Variants in ITGA8 observed in about 807,000 individuals in gnomAD.
ITGA8 encodes the protein integrin subunit alpha 8, also known as integrin alpha-8.
A neutral mutation model predicts 142.3 loss-of-function variants in ITGA8; 91 were observed. The observed-to-expected ratio is 0.64, with a 90% CI of 0.54 to 0.76. The LOEUF is 0.76. Among genes scored for constraint, ITGA8 ranks in the 30% least tolerant of loss-of-function variants. The pLI, the probability that ITGA8 is intolerant of heterozygous loss-of-function variation, is 0.00. For synonymous variants in ITGA8, 505 were observed against 485.2 expected (o/e 1.04, Z -0.54); for missense variants, 1,406 against 1,327.7 (o/e 1.06, Z -0.92).
chr10:15,539,444 A>G (rs1833523639), intron 27 of ITGA8, among the ~76,000 whole-genome samples: 1 of 152,174 alleles, frequency 6.6e-6, no homozygotes, highest in African/African-American at 2.4e-5. Flanking sequence ...CTACTCAGAC[A>G]TTTGACACTA....
chr10:15,621,254 G>A (rs1475314384), intron 13 of ITGA8, among the ~76,000 whole-genome samples: 5 of 151,576 alleles, frequency 3.3e-5, no homozygotes, highest in Admixed American at 6.6e-5. Flanking sequence ...AACTGCTGGA[G>A]GCCTTTGCTA....
chr10:15,655,928 A>C (rs950879980), intron 10 of ITGA8, among the ~76,000 whole-genome samples: 8 of 152,156 alleles, frequency 5.3e-5, no homozygotes, highest in Non-Finnish European at 1.2e-4. Context: ...CCTACAAAAA[A>C]TAAAACAGAA....
chr10:15,596,341 G>T (rs562337240), intron 21 of ITGA8, among the ~76,000 whole-genome samples: 6 of 152,238 alleles, frequency 3.9e-5, no homozygotes, highest in Non-Finnish European at 7.4e-5. Context: ...CAATTCATCT[G>T]ACTTCTCTGA....
intron 22 of ITGA8, among the ~76,000 whole-genome samples, chr10:15,590,799 G>A (rs1444948976): frequency 6.6e-6 from 1 of 152,118 alleles, no homozygotes; most frequent in Non-Finnish European, 1.5e-5. Flanking sequence ...TATTCCATCT[G>A]TATCCCATCA....
In ITGA8 at chr10:15,516,330, T is replaced by C. The variant is rs1455082863; in HGVS notation, c.*828A>G. Reference sequence around the variant, plus strand: ...AGCAGATGTGAGTCCCTGGATAATGTGAGTGAAAGGAATTTCAGATGGAAG... The same window carrying C: ...AGCAGATGTGAGTCCCTGGATAATGCGAGTGAAAGGAATTTCAGATGGAAG... On this transcript the variant is annotated 3_prime_UTR_variant, in exon 30 of 30. Transcript: ENST00000378076. 6.6e-6 allele frequency: 1 copy of C among 152,194 alleles called. No individual in the cohort carries two copies. The highest frequency in any genetic ancestry group is 2.4e-5 in the African/African-American group (1 of 41,454). The allele number at this position is 152,194 out of a possible 1,614,324, so 9.4% of individuals were successfully genotyped here.
rs562030121 is a variant in ITGA8, at chr10:15,707,436, G to T, written c.343+11330C>A. Among the ~76,000 whole-genome samples, 3 of 152,208 alleles carry T rather than the reference G, an allele frequency of 2.0e-5. No homozygotes were observed. In the South Asian group the frequency reaches 6.2e-4, roughly 32 times the overall value. ...CTGGAAAAGGCAAGGAAATAAATAG[G>T]TTCTCCCAAGAGCTTCCAGAAGGAA... On this transcript the variant is annotated intron_variant, in intron 2 of 29. Coordinates refer to ENST00000378076, the MANE Select transcript of ITGA8 (RefSeq NM_003638.3).
At chr10:15,691,856 A>G (rs1387806410) in intron 2 of ITGA8, among the ~76,000 whole-genome samples, 1 of 152,260 alleles carries the variant, frequency 6.6e-6, no homozygotes, top group Non-Finnish European at 1.5e-5. Flanking sequence ...CAACCATGCT[A>G]GGTAATGAAT....
intron 28 of ITGA8, among the ~76,000 whole-genome samples, chr10:15,526,541 A>C (rs926263055): frequency 6.6e-6 from 1 of 152,144 alleles, no homozygotes; most frequent in Non-Finnish European, 1.5e-5. Flanking sequence ...TTAGGACTAG[A>C]GGTTTACTTT....
intron 8 of ITGA8, among the ~76,000 whole-genome samples, chr10:15,666,570 T>C (rs1388325384): frequency 6.6e-6 from 1 of 152,160 alleles, no homozygotes; most frequent in Non-Finnish European, 1.5e-5. Context: ...ATAGGAGTGA[T>C]GAGAGAGGGC....
chr10:15,688,181 A>G (rs1456557993), intron 2 of ITGA8, 143 bp from the exon 3 acceptor site: 1 of 598,032 alleles, frequency 1.7e-6, no homozygotes, highest in African/African-American at 1.9e-5. Flanking sequence ...GAGGCTGGGT[A>G]TGGTGGCTCA....
At chr10:15,705,805 CTTTCTTT>C (rs1835247037) in intron 2 of ITGA8, among the ~76,000 whole-genome samples, 1 of 152,186 alleles carries the variant, frequency 6.6e-6, no homozygotes, top group African/African-American at 2.4e-5. Flanking sequence ...CCTCACAAGA[CTTTCTTT>C]ATTGGCTTCA....
intron 23 of ITGA8, among the ~76,000 whole-genome samples, chr10:15,582,905 C>T (rs927512072): frequency 5.9e-5 from 9 of 152,332 alleles, no homozygotes; most frequent in African/African-American, 1.7e-4. Flanking sequence ...TCATACAACT[C>T]GGTAATTCCA....
intron 13 of ITGA8, among the ~76,000 whole-genome samples, chr10:15,638,983 G>A (rs1472106495): frequency 6.6e-6 from 1 of 151,984 alleles, no homozygotes; most frequent in East Asian, 1.9e-4. Context: ...CAAAAAATTA[G>A]CCAGGTATGG....
chr10:15,667,001 T>C (rs1001212570), intron 8 of ITGA8, among the ~76,000 whole-genome samples: 1 of 152,144 alleles, frequency 6.6e-6, no homozygotes, highest in South Asian at 2.1e-4. Context: ...TGTCTCTGCC[T>C]GGCTTTGGTA....
chr10:15,530,504 C>T (rs1055839294), intron 28 of ITGA8, among the ~76,000 whole-genome samples: 2 of 146,942 alleles, frequency 1.4e-5, no homozygotes, highest in African/African-American at 2.5e-5. Flanking sequence ...TGAGATCGTG[C>T]CCCTGCACTC....
At chr10:15,634,014 ACATGTAATC>A (rs1281505912) in intron 13 of ITGA8, among the ~76,000 whole-genome samples, 1 of 152,196 alleles carries the variant, frequency 6.6e-6, no homozygotes, top group Admixed American at 6.5e-5. Flanking sequence ...CACACTTGAC[ACATGTAATC>A]TCAGGGTCTT....
intron 12 of ITGA8, 21 bp from the exon 13 acceptor site, chr10:15,644,242 T>C (rs151037546): frequency 6.4e-5 from 103 of 1,602,502 alleles, no homozygotes; most frequent in African/African-American, 6.4e-4. Context: ...ACATAAAACA[T>C]GTTTTATGTG....
chr10:15,698,489 TGTTTTCCATA>T (rs1201693729), intron 2 of ITGA8, among the ~76,000 whole-genome samples: 1 of 152,246 alleles, frequency 6.6e-6, no homozygotes, highest in African/African-American at 2.4e-5. Context: ...ATCTCTACAC[TGTTTTCCATA>T]GTGGTTGTAC....
intron 28 of ITGA8, among the ~76,000 whole-genome samples, chr10:15,521,503 A>T (rs1271488339): frequency 6.6e-6 from 1 of 152,188 alleles, no homozygotes; most frequent in Non-Finnish European, 1.5e-5. Flanking sequence ...AGGCATGGAC[A>T]GAGGAGTGAG....
Sources: allele counts gnomAD v4.1 joint callset (sites outside exome capture counted in the v4.1 genomes callset), GRCh38; gene constraint gnomAD v4.1.1; transcripts MANE v1.5; gene names NCBI Gene and HGNC (gene_info 2026-07-23, HGNC 2026-07-21).